The following NDNF variants were observed in gnomAD, a reference collection of about 807,000 sequenced individuals.
The protein encoded by NDNF is protein NDNF.
A neutral mutation model predicts 42.0 loss-of-function variants in NDNF; 16 were observed. The ratio of observed to expected loss-of-function variants is 0.38; its 90% confidence interval spans 0.26 to 0.58. The LOEUF (loss-of-function observed/expected upper bound fraction) is 0.58, where lower values mean the gene tolerates loss of function less well. Among genes scored for constraint, NDNF ranks in the 20% least tolerant of loss-of-function variants. NDNF has a pLI of 0.67. For synonymous variants in NDNF, 248 were observed against 251.7 expected (o/e 0.99, Z 0.14); for missense variants, 616 against 666.2 (o/e 0.92, Z 0.83).
chr4:121,067,372 A>C (rs1252189050), intron 1 of NDNF, among the ~76,000 whole-genome samples: 1 of 152,228 alleles, frequency 6.6e-6, no homozygotes, highest in Non-Finnish European at 1.5e-5. Context: ...AATATATAAA[A>C]TATTAAATGT....
At position 121,037,276 on chromosome 4, in the gene NDNF, C is replaced by T. The variant is rs779006019; in HGVS notation, c.695G>A (p.Ser232Asn). The T allele has an allele frequency of 3.2e-5, 51 of 1,614,018 alleles. No homozygotes were observed. The highest frequency in any genetic ancestry group is 4.0e-5 in the Non-Finnish European group (47 of 1,180,028). ...KSLCAVEAKL[S>N]ADDAFMMAPK... ...TGCCATCATAAAAGCATCATCTGCA[C>T]TCAGTTTTGCTTCCACTGCACAGAG... Residue 232 changes from serine to asparagine, a missense_variant, in exon 4 of 4, where the codon AGT becomes AAT. Coordinates refer to ENST00000379692, the MANE Select transcript of NDNF (RefSeq NM_024574.4).
At chr4:121,044,896 G>A (rs965172993) in intron 2 of NDNF, among the ~76,000 whole-genome samples, 3 of 152,206 alleles carry the variant, frequency 2.0e-5, no homozygotes, top group Non-Finnish European at 4.4e-5. Context: ...ATCCCGGGAT[G>A]TTGAGGCTAC....
At chr4:121,045,159 C>A (rs1382990433) in intron 2 of NDNF, among the ~76,000 whole-genome samples, 1 of 152,068 alleles carries the variant, frequency 6.6e-6, no homozygotes, top group Non-Finnish European at 1.5e-5. Context: ...GAGACTATCC[C>A]GGCTAACATG....
intron 1 of NDNF, among the ~76,000 whole-genome samples, chr4:121,049,113 T>C (rs17432229): frequency 0.2 from 30,431 of 152,122 alleles, 3,353 homozygotes; most frequent in South Asian, 0.33. Context: ...TTATATATTC[T>C]CCAGTTCAGC....
chr4:121,057,504 C>T (rs1366518293), intron 1 of NDNF, among the ~76,000 whole-genome samples: 1 of 152,104 alleles, frequency 6.6e-6, no homozygotes, highest in African/African-American at 2.4e-5. Flanking sequence ...CACCAAGACC[C>T]GGCAGTCAGG....
intron 2 of NDNF, among the ~76,000 whole-genome samples, chr4:121,041,418 C>A (rs753461290): frequency 1.2e-4 from 19 of 152,164 alleles, no homozygotes; most frequent in Admixed American, 2.0e-4. Context: ...GAGCCTCCGA[C>A]CCCAGCAGTC....
intron 1 of NDNF, among the ~76,000 whole-genome samples, chr4:121,059,255 T>C (rs181224258): frequency 1.1e-3 from 164 of 152,330 alleles, no homozygotes; most frequent in African/African-American, 3.9e-3. Context: ...CTATAACTGA[T>C]AGATAGTATT....
chr4:121,042,221 C>G (rs1727010909), intron 2 of NDNF, among the ~76,000 whole-genome samples: 1 of 152,090 alleles, frequency 6.6e-6, no homozygotes, highest in South Asian at 2.1e-4. Context: ...TGTACTTGAT[C>G]AACATTTTAA....
chr4:121,045,180 G>A (rs1477458415), intron 2 of NDNF, among the ~76,000 whole-genome samples: 2 of 151,982 alleles, frequency 1.3e-5, no homozygotes, highest in East Asian at 1.9e-4. Flanking sequence ...GTGAAACCCC[G>A]TCTCTATTAA....
intron 1 of NDNF, among the ~76,000 whole-genome samples, chr4:121,048,045 GCTC>G (rs1727125507): frequency 6.6e-6 from 1 of 152,188 alleles, no homozygotes; most frequent in Non-Finnish European, 1.5e-5. Flanking sequence ...CCTCCCCTCT[GCTC>G]CTCTTTTGTT....
intron 1 of NDNF, among the ~76,000 whole-genome samples, chr4:121,048,715 G>C (rs1227384875): frequency 6.6e-6 from 1 of 152,110 alleles, no homozygotes; most frequent in Admixed American, 6.6e-5. Flanking sequence ...GTGGGCGCCT[G>C]TAATCCCAGC....
chr4:121,056,009 G>A (rs1727288672), intron 1 of NDNF, among the ~76,000 whole-genome samples: 1 of 152,172 alleles, frequency 6.6e-6, no homozygotes, highest in African/African-American at 2.4e-5. Context: ...CAGAAGGTAT[G>A]AAGAAAATCT....
chr4:121,068,822 A>G (rs1317605201), intron 1 of NDNF, among the ~76,000 whole-genome samples: 1 of 152,182 alleles, frequency 6.6e-6, no homozygotes, highest in Non-Finnish European at 1.5e-5. Flanking sequence ...TATGATGTGT[A>G]ATTCACACTC....
At chr4:121,046,034 T>C (rs905186459) in intron 1 of NDNF, among the ~76,000 whole-genome samples, 196 bp from the exon 2 acceptor site, 2 of 152,218 alleles carry the variant, frequency 1.3e-5, no homozygotes, top group Non-Finnish European at 2.9e-5. Context: ...ATGTTAAAAA[T>C]AAATTCACTA....
chr4:121,038,768 C>T (rs577737459), intron 3 of NDNF: 1 of 152,166 alleles, frequency 6.6e-6, no homozygotes, highest in South Asian at 2.1e-4. Flanking sequence ...GGGCGAATTG[C>T]TTGAGCTCAG....
chr4:121,045,907 A>G, intron 1 of NDNF, 69 bp from the exon 2 acceptor site: 1 of 1,472,108 alleles, frequency 6.8e-7, no homozygotes, highest in Non-Finnish European at 9.3e-7. Flanking sequence ...CAGACTTTCT[A>G]AAGGGTTAAC....
At position 121,037,169 on chromosome 4, in the gene NDNF, A is replaced by G; in HGVS notation, c.802T>C (p.Phe268Leu). 1 of 1,614,040 alleles carries G rather than the reference A, an allele frequency of 6.2e-7. No individual in the cohort carries two copies. Among genetic ancestry groups the G allele is most frequent in the Non-Finnish European group, 8.5e-7 (1 of 1,180,022 alleles). ...AGTTTTGGAGAAGGCTTTGCCTGGA[A>G]ACTGCGTTCTTTACCTGAATTATCA... Reference protein sequence around the residue: ...PSDNSGKERSFQAKPSPKLGR... With the variant: ...PSDNSGKERSLQAKPSPKLGR... Residue 268 changes from phenylalanine (F) to leucine (L), a missense_variant, in exon 4 of 4, where the codon TTC (phenylalanine) becomes CTC (leucine). Coordinates refer to ENST00000379692, the MANE Select transcript of NDNF (RefSeq NM_024574.4).
chr4:121,036,574 G>A lies in NDNF; in HGVS notation c.1397C>T (p.Thr466Ile), dbSNP rs778449790. 5.0e-6 allele frequency: 8 copies of A among 1,613,982 alleles called. No individual in the cohort carries two copies. The highest frequency in any genetic ancestry group is 2.7e-5 in the African/African-American group (2 of 74,916). The part of the protein sequence containing the change: ...FDKLRTCSSA[T>I]VAWLGTQERN... ...TTCCTGAGTGCCTAGCCAAGCCACG[G>A]TGGCTGAGGAACAGGTACGGAGCTT... is the stretch of plus-strand genomic sequence containing the variant. The change falls in exon 4 of 4, where the codon ACC (threonine) becomes ATC (isoleucine). Residue 466 changes from threonine to isoleucine, a missense_variant. Coordinates refer to ENST00000379692, the MANE Select transcript of NDNF (RefSeq NM_024574.4).
intron 1 of NDNF, among the ~76,000 whole-genome samples, chr4:121,053,671 A>C (rs1174541935): frequency 1.3e-5 from 2 of 152,164 alleles, no homozygotes; most frequent in Non-Finnish European, 2.9e-5. Context: ...CAGAATACTA[A>C]ATACCTTCTT....
Sources: allele counts gnomAD v4.1 joint callset (sites outside exome capture counted in the v4.1 genomes callset), GRCh38; gene constraint gnomAD v4.1.1; transcripts MANE v1.5; gene names NCBI Gene and HGNC (gene_info 2026-07-23, HGNC 2026-07-21).